DGKG: variants seen among roughly 807,000 people sequenced by gnomAD.
DGKG encodes diacylglycerol kinase gamma.
Under a neutral mutation model 105.3 loss-of-function variants are expected in DGKG, and 78 were observed. The ratio of observed to expected loss-of-function variants is 0.74; its 90% CI spans 0.62 to 0.89. The LOEUF is 0.89. Among genes scored for constraint, DGKG ranks in the 40% least tolerant of loss-of-function variants. DGKG has a pLI of 0.00. For missense variants in DGKG, 958 were observed against 1,020.1 expected (o/e 0.94, Z 0.83); for synonymous variants, 346 against 367.1 (o/e 0.94, Z 0.66).
rs941615806 is a variant in DGKG at position 186,280,054 on chromosome 3, T to C, written c.670-81A>G. Reference sequence around the variant, plus strand: ...CCTTCTGCCTCTGCTGTCTTGTTCATCTTGCATTATCTGGTTTGTGTTTTA... The same window carrying C: ...CCTTCTGCCTCTGCTGTCTTGTTCACCTTGCATTATCTGGTTTGTGTTTTA... On this transcript the variant is annotated intron_variant, in intron 8 of 24. Coordinates refer to ENST00000265022, the MANE Select transcript of DGKG (RefSeq NM_001346.3). 6 of 1,550,840 alleles carry C rather than the reference T, an allele frequency of 3.9e-6. No individual in the cohort carries two copies. The African/African-American group carries it at 8.1e-5, about 21-fold the overall frequency.
At position 186,275,507 on chromosome 3, in the gene DGKG, A is replaced by ATAGT. The variant is rs550075797; in HGVS notation, c.910+36_910+39dup. The ATAGT allele has an allele frequency of 4.2e-3, 6,503 of 1,546,352 alleles. 29 individuals carry two copies. Among genetic ancestry groups the ATAGT allele is most frequent in the Middle Eastern group, 0.013 (77 of 5,950 alleles). On this transcript the variant is annotated intron_variant, in intron 10 of 24. Transcript: ENST00000265022. ...ATCAACCAACCATGCGCAGAGCAAG[A>ATAGT]TAGTGCCTGGGGGAAGAGGTTTGAA... is the stretch of plus-strand genomic sequence containing the variant.
chr3:186,289,604 T>G (rs746220857), intron 5 of DGKG, among the ~76,000 whole-genome samples: 2 of 152,182 alleles, frequency 1.3e-5, no homozygotes, highest in Non-Finnish European at 2.9e-5. Context: ...TGAATTCTAT[T>G]TTTTGAGACA....
intron 1 of DGKG, among the ~76,000 whole-genome samples, chr3:186,336,195 C>CACCAAG (rs2108656079): frequency 6.6e-6 from 1 of 152,304 alleles, no homozygotes; most frequent in African/African-American, 2.4e-5. Flanking sequence ...AGTCCAACTT[C>CACCAAG]TCCCTTCACC....
chr3:186,192,618 T>A (rs556745948), intron 21 of DGKG, among the ~76,000 whole-genome samples: 167 of 152,224 alleles, frequency 1.1e-3, no homozygotes, highest in African/African-American at 3.8e-3. Context: ...AGCTTCCTAC[T>A]CTACAAGATG....
chr3:186,279,692 A>G lies in DGKG; in HGVS notation c.792+159T>C, dbSNP rs929671497. ...TCAAATGAATATACTTCAGGCACTAATGGATACAAAATAATGTAAATAGAG... is the reference window on the plus strand; with the variant it reads ...TCAAATGAATATACTTCAGGCACTAGTGGATACAAAATAATGTAAATAGAG... On this transcript the variant is annotated intron_variant, in intron 9 of 24. Transcript: ENST00000265022. 6 of 678,332 alleles carry G rather than the reference A, an allele frequency of 8.8e-6. No homozygotes were observed. In the African/African-American group the frequency reaches 1.1e-4, roughly 12 times the overall value. 42.0% of individuals were successfully genotyped at this position (678,332 alleles called of 1,614,324 possible).
At chr3:186,201,760 T>C (rs1486248311) in intron 21 of DGKG, among the ~76,000 whole-genome samples, 2 of 152,224 alleles carry the variant, frequency 1.3e-5, no homozygotes, top group East Asian at 3.8e-4. Flanking sequence ...GAATTCCCTA[T>C]ACTTGGTTCA....
intron 21 of DGKG, among the ~76,000 whole-genome samples, chr3:186,204,968 C>T (rs570072397): frequency 1.1e-4 from 17 of 152,108 alleles, no homozygotes; most frequent in African/African-American, 2.2e-4. Context: ...TTAAAAGTGA[C>T]GAACCAGGCC....
At chr3:186,219,151 T>TA (rs35173611) in intron 20 of DGKG, among the ~76,000 whole-genome samples, 1 of 124,372 alleles carries the variant, frequency 8.0e-6, no homozygotes, top group Admixed American at 7.9e-5. Flanking sequence ...CATCAAGAGT[T>TA]AAAAAAAAAA....
At chr3:186,354,004 A>G (rs906375573) in intron 1 of DGKG, among the ~76,000 whole-genome samples, 1 of 152,178 alleles carries the variant, frequency 6.6e-6, no homozygotes, top group Non-Finnish European at 1.5e-5. Context: ...ACATGCCGGC[A>G]TGAGAAAAGG....
chr3:186,216,734 G>T (rs1719311957), intron 20 of DGKG, among the ~76,000 whole-genome samples: 1 of 152,128 alleles, frequency 6.6e-6, no homozygotes, highest in Admixed American at 6.5e-5. Flanking sequence ...CTGACTACCA[G>T]AGAGCCTGAG....
At chr3:186,159,587 A>C (rs900325702) in intron 24 of DGKG, 5 of 152,196 alleles carry the variant, frequency 3.3e-5, no homozygotes, top group African/African-American at 9.7e-5. Flanking sequence ...TTTTTACCAA[A>C]AGTTCTTTTG....
chr3:186,183,790 C>T lies in DGKG; in HGVS notation c.2095+4412G>A, dbSNP rs549331816. Among the ~76,000 whole-genome samples the T allele has an allele frequency of 5.5e-4, 83 of 152,074 alleles. 2 individuals carry two copies. In the South Asian group the frequency reaches 0.016, roughly 29 times the overall value. On this transcript the variant is annotated intron_variant, in intron 22 of 24. Coordinates refer to ENST00000265022, the MANE Select transcript of DGKG (RefSeq NM_001346.3). The stretch of plus-strand genomic sequence containing the variant: ...TGCAATCTCAGCTCACTGCAACCTC[C>T]GCCTTCCAGGTTCAAGCGATTGTCC...
In DGKG at chr3:186,297,584, T is replaced by A. The variant is rs545284184; in HGVS notation, c.311-101A>T. 53 of 826,518 alleles carry A rather than the reference T, an allele frequency of 6.4e-5. No individual in the cohort carries two copies. The African/African-American group carries it at 8.4e-4, about 13-fold the overall frequency. 51.2% of individuals were successfully genotyped at this position (826,518 alleles called of 1,614,324 possible). A position where few individuals can be genotyped will look rare whatever the true frequency, so the allele number is the denominator to read the frequency against. ...CATGGGACCTGGTTTGCCTTGATTG[T>A]GTCTGTGTCTCGGGGTTATGTGTCA... On this transcript the variant is annotated intron_variant, in intron 4 of 24. Transcript: ENST00000265022.
In DGKG at chr3:186,273,134, C is replaced by T. The variant is rs190742715; in HGVS notation, c.911-791G>A. On this transcript the variant is annotated intron_variant, in intron 10 of 24. Coordinates refer to ENST00000265022, the MANE Select transcript of DGKG (RefSeq NM_001346.3). Reference sequence around the variant, plus strand: ...TTCTGTAAAAAGGGAAGAAAACGGCCTCTCTTTCTCTTTCTCTTTGCAGGG... The same window carrying T: ...TTCTGTAAAAAGGGAAGAAAACGGCTTCTCTTTCTCTTTCTCTTTGCAGGG... Among the ~76,000 whole-genome samples the T allele has an allele frequency of 1.2e-4, 18 of 152,216 alleles. No homozygotes were observed. The East Asian group carries it at 3.1e-3, about 26-fold the overall frequency.
chr3:186,244,256 T>G (rs1286101515), intron 19 of DGKG, among the ~76,000 whole-genome samples: 1 of 152,120 alleles, frequency 6.6e-6, no homozygotes, highest in Non-Finnish European at 1.5e-5. Flanking sequence ...ATGAACTCTG[T>G]GTGGTGAGGT....
Position 186,231,590 on chromosome 3 carries a change from C to G in DGKG, c.1826+10914G>C, listed in dbSNP as rs1213811524. ...ATTGGGAAAACCACCTTTCTAAACA[C>G]TTTAATAAATGAGCTCATGGTTATT... On this transcript the variant is annotated intron_variant, in intron 20 of 24. Transcript: ENST00000265022. The surrounding 1 kb of genome is among the most constrained non-coding windows in gnomAD (Gnocchi z 4.5). Among the ~76,000 whole-genome samples the G allele has an allele frequency of 6.6e-6, 1 of 152,116 alleles. No individual in the cohort carries two copies. Among genetic ancestry groups the G allele is most frequent in the Non-Finnish European group, 1.5e-5 (1 of 68,002 alleles).
At chr3:186,328,134 C>G (rs893608033) in intron 1 of DGKG, among the ~76,000 whole-genome samples, 10 of 152,302 alleles carry the variant, frequency 6.6e-5, no homozygotes, top group Non-Finnish European at 8.8e-5. Flanking sequence ...TTACTCCTTC[C>G]TTCCTAAAAC....
At chr3:186,163,272 T>C (rs937116459) in intron 23 of DGKG, among the ~76,000 whole-genome samples, 5 of 152,046 alleles carry the variant, frequency 3.3e-5, no homozygotes, top group Non-Finnish European at 5.9e-5. Context: ...TCCCAAAGTG[T>C]TGGGATTACA....
At chr3:186,279,638 T>C in intron 9 of DGKG, 1 of 460,038 alleles carries the variant, frequency 2.2e-6, no homozygotes, top group Non-Finnish European at 3.8e-6. Context: ...ACAGTATTTT[T>C]AAAGTAGTAA....
Sources: allele counts gnomAD v4.1 joint callset (sites outside exome capture counted in the v4.1 genomes callset), GRCh38; gene constraint gnomAD v4.1.1; non-coding constraint Gnocchi (gnomAD v3.1); transcripts MANE v1.5; gene names NCBI Gene and HGNC (gene_info 2026-07-23, HGNC 2026-07-21).